The following CHN2 variants were observed in gnomAD, a reference collection of about 807,000 sequenced individuals.
The protein encoded by CHN2 is beta-chimaerin.
CHN2 carries 35 observed loss-of-function variants against 56.3 expected under a neutral mutation model. The ratio of observed to expected loss-of-function variants is 0.62; its 90% CI spans 0.47 to 0.82. CHN2 has a LOEUF of 0.82. Among genes scored for constraint, CHN2 ranks in the 40% least tolerant of loss-of-function variants. The pLI is 0.00. For missense variants in CHN2, 491 were observed against 580.5 expected, an observed-to-expected ratio of 0.85 and a Z score of 1.58; for synonymous variants, 210 against 212.8, an observed-to-expected ratio of 0.99 and a Z score of 0.12.
intron 5 of CHN2, among the ~76,000 whole-genome samples, chr7:29,400,012 C>T (rs773493219): frequency 5.3e-5 from 8 of 152,096 alleles, no homozygotes; most frequent in East Asian, 1.9e-4. Flanking sequence ...CCTTCTGCTG[C>T]ACCAACTAGG....
intron 2 of CHN2, among the ~76,000 whole-genome samples, chr7:29,157,766 T>C (rs1361526975): frequency 6.6e-6 from 1 of 152,180 alleles, no homozygotes; most frequent in Non-Finnish European, 1.5e-5. Context: ...CTCATTTTTC[T>C]GCCAGAACAA....
intron 7 of CHN2, among the ~76,000 whole-genome samples, chr7:29,485,853 C>G (rs1353592906): frequency 1.3e-5 from 2 of 152,042 alleles, no homozygotes; most frequent in Non-Finnish European, 1.5e-5. Flanking sequence ...CCCAGCCTCT[C>G]CAGTCTGCAT....
intron 1 of CHN2, among the ~76,000 whole-genome samples, chr7:29,211,324 T>C (rs1366113855): frequency 4.0e-5 from 6 of 151,812 alleles, no homozygotes; most frequent in Non-Finnish European, 7.4e-5. Flanking sequence ...GTGATCCGCC[T>C]GCCTCAGCCT....
intron 6 of CHN2, among the ~76,000 whole-genome samples, chr7:29,408,528 A>G (rs570706109): frequency 6.6e-6 from 1 of 152,316 alleles, no homozygotes; most frequent in East Asian, 1.9e-4. Context: ...CTGGGGAAAC[A>G]TTCTTCACAC....
At chr7:29,301,357 ACAC>A (rs1793643093) in intron 1 of CHN2, among the ~76,000 whole-genome samples, 1 of 146,274 alleles carries the variant, frequency 6.8e-6, no homozygotes, top group African/African-American at 2.5e-5. Flanking sequence ...ACACACACAC[ACAC>A]ACACACACAC....
At chr7:29,374,801 TTTCCTTCCTTCCTTCCTTCCTTCC>T (rs57274609) in intron 3 of CHN2, among the ~76,000 whole-genome samples, 42 of 128,262 alleles carry the variant, frequency 3.3e-4, no homozygotes, top group African/African-American at 1.1e-3. Flanking sequence ...TATTTCTTTA[TTTCCTTCCTTCCTTCCTTCCTTCC>T]TTCCTTCCTT....
At chr7:29,265,025 T>C (rs1303177518) in intron 1 of CHN2, among the ~76,000 whole-genome samples, 1 of 152,198 alleles carries the variant, frequency 6.6e-6, no homozygotes, top group Admixed American at 6.5e-5. Flanking sequence ...GTGTAGAAAG[T>C]ATCCATTGTG....
intron 1 of CHN2, among the ~76,000 whole-genome samples, chr7:29,308,936 G>A (rs1178037316): frequency 6.6e-6 from 1 of 152,154 alleles, no homozygotes; most frequent in African/African-American, 2.4e-5. Flanking sequence ...ATAGGAACAT[G>A]TCTGTTTTGC....
chr7:29,282,807 A>G lies in CHN2; in HGVS notation c.50-71818A>G, dbSNP rs567040158. 1.4e-4 allele frequency among the ~76,000 whole-genome samples: 21 copies of G among 152,368 alleles called. No individual in the cohort carries two copies. In the East Asian group the frequency reaches 3.9e-3, roughly 28 times the overall value. On this transcript the variant is annotated intron_variant, in intron 1 of 12. Transcript: ENST00000222792. ...CATGAAGATCACGCGACAGAGAAAG[A>G]CATAATCTTATTTGCTGGCAATAGC... is the stretch of plus-strand genomic sequence containing the variant.
intron 1 of CHN2, among the ~76,000 whole-genome samples, chr7:29,256,068 C>CT (rs1202426564): frequency 6.6e-6 from 1 of 152,156 alleles, no homozygotes; most frequent in Admixed American, 6.5e-5. Flanking sequence ...TAACACATGC[C>CT]TTTTTTCTTT....
chr7:29,251,609 C>A (rs746102260), intron 1 of CHN2, among the ~76,000 whole-genome samples: 1 of 152,114 alleles, frequency 6.6e-6, no homozygotes, highest in Non-Finnish European at 1.5e-5. Flanking sequence ...AAGGTAACTT[C>A]GTGTAACTAA....
intron 6 of CHN2, among the ~76,000 whole-genome samples, chr7:29,445,424 T>G (rs777056378): frequency 1.3e-5 from 2 of 152,186 alleles, no homozygotes; most frequent in Non-Finnish European, 2.9e-5. Flanking sequence ...ACATGTAGAT[T>G]TTTTATTACC....
intron 1 of CHN2, among the ~76,000 whole-genome samples, chr7:29,338,433 G>A (rs1055492576): frequency 3.9e-5 from 6 of 152,058 alleles, no homozygotes; most frequent in African/African-American, 7.2e-5. Flanking sequence ...TTTCAGATCC[G>A]GACAATGCTA....
chr7:29,292,692 T>G (rs1792731983), intron 1 of CHN2, among the ~76,000 whole-genome samples: 1 of 152,252 alleles, frequency 6.6e-6, no homozygotes, highest in African/African-American at 2.4e-5. Flanking sequence ...TTATTGATTT[T>G]TGTTTCAATG....
intron 1 of CHN2, chr7:29,212,434 T>G: frequency 6.2e-7 from 1 of 1,607,650 alleles, no homozygotes; most frequent in Non-Finnish European, 8.5e-7. Flanking sequence ...TCTGCTGAGA[T>G]GCCTCACACG....
In CHN2 at chr7:29,479,929, G is replaced by C. The variant is rs969957234; in HGVS notation, c.577-350G>C. On this transcript the variant is annotated intron_variant, in intron 6 of 12. Transcript: ENST00000222792. ...CACAAAACAGGCCCATCCTTATTCA[G>C]AAGCCGGGCCCCCTCCATCACTCAA... 3 of 1,439,244 alleles carry C rather than the reference G, an allele frequency of 2.1e-6. 1 individual carries two copies. The African/African-American group carries it at 4.3e-5, about 21-fold the overall frequency. The allele number at this position is 1,439,244 out of a possible 1,614,324, so 89.2% of individuals were successfully genotyped here.
At chr7:29,294,024 G>T (rs1374909847) in intron 1 of CHN2, among the ~76,000 whole-genome samples, 1 of 151,852 alleles carries the variant, frequency 6.6e-6, no homozygotes, top group Non-Finnish European at 1.5e-5. Flanking sequence ...CCGCCACCAC[G>T]CCCAGCTAAT....
intron 6 of CHN2, among the ~76,000 whole-genome samples, chr7:29,438,049 T>G (rs1329955893): frequency 6.6e-6 from 1 of 152,116 alleles, no homozygotes; most frequent in Non-Finnish European, 1.5e-5. Context: ...CTGCAACACA[T>G]GTAGATTTGA....
At chr7:29,401,943 C>T (rs189811539) in intron 6 of CHN2, among the ~76,000 whole-genome samples, 53 of 152,300 alleles carry the variant, frequency 3.5e-4, no homozygotes, top group African/African-American at 1.2e-3. Flanking sequence ...CCAATCAGCC[C>T]CTGCAGAGTC....
Sources: allele counts gnomAD v4.1 joint callset (sites outside exome capture counted in the v4.1 genomes callset), GRCh38; gene constraint gnomAD v4.1.1; transcripts MANE v1.5; gene names NCBI Gene and HGNC (gene_info 2026-07-23, HGNC 2026-07-21).